TAF1A: variants seen among roughly 807,000 people sequenced by gnomAD.
TAF1A encodes the protein TATA-box binding protein associated factor, RNA polymerase I subunit A.
Under a neutral mutation model 61.6 loss-of-function variants are expected in TAF1A, and 42 were observed. The ratio of observed to expected loss-of-function variants is 0.68; its 90% CI spans 0.53 to 0.88. TAF1A has a LOEUF of 0.88. Among genes scored for constraint, TAF1A ranks in the 40% least tolerant of loss-of-function variants. The pLI is 0.00. For missense variants in TAF1A, 424 were observed against 518.7 expected (o/e 0.82, Z 1.77); for synonymous variants, 179 against 177.7 (o/e 1.01, Z -0.06).
intron 2 of TAF1A, 37 bp from the exon 3 acceptor site, chr1:222,584,334 T>C: frequency 6.5e-7 from 1 of 1,549,504 alleles, no homozygotes; most frequent in Non-Finnish European, 8.6e-7. Context: ...TTTATCCAAG[T>C]GGCTCCAGTT....
At chr1:222,564,506 T>C (rs1660045302) in intron 7 of TAF1A, among the ~76,000 whole-genome samples, 1 of 152,008 alleles carries the variant, frequency 6.6e-6, no homozygotes. Context: ...ACAGAAAATA[T>C]ACTTATTTAC....
At chr1:222,564,160 C>T in intron 7 of TAF1A, 35 bp from the exon 8 acceptor site, 1 of 1,307,338 alleles carries the variant, frequency 7.6e-7, no homozygotes, top group Non-Finnish European at 1.1e-6. Flanking sequence ...TCTTTACATA[C>T]TTGTAAAAGC....
chr1:222,578,976 T>C (rs1225507979), intron 4 of TAF1A, among the ~76,000 whole-genome samples: 1 of 152,200 alleles, frequency 6.6e-6, no homozygotes, highest in East Asian at 1.9e-4. Flanking sequence ...TAACCAACAG[T>C]TTACTCTTCA....
intron 1 of TAF1A, 31 bp from the exon 2 acceptor site, chr1:222,588,596 T>G (rs201976026): frequency 1.3e-4 from 213 of 1,606,878 alleles, no homozygotes; most frequent in Non-Finnish European, 1.6e-4. Context: ...AGTTACTTTC[T>G]GTACATCTTA....
intron 5 of TAF1A, among the ~76,000 whole-genome samples, chr1:222,573,338 A>G (rs1660438012): frequency 6.6e-6 from 1 of 152,212 alleles, no homozygotes. Flanking sequence ...AAATATTTCC[A>G]AGTCATGAAT....
chr1:222,570,228 C>T (rs1284172984), intron 6 of TAF1A, among the ~76,000 whole-genome samples: 1 of 152,076 alleles, frequency 6.6e-6, no homozygotes, highest in East Asian at 1.9e-4. Flanking sequence ...AGATTTTTGT[C>T]CTCTTTCCTT....
intron 7 of TAF1A, among the ~76,000 whole-genome samples, chr1:222,567,154 A>G (rs779070306): frequency 4.6e-5 from 7 of 152,248 alleles, no homozygotes; most frequent in Non-Finnish European, 7.3e-5. Flanking sequence ...TACAACATGG[A>G]TGAACCTTGA....
intron 2 of TAF1A, among the ~76,000 whole-genome samples, chr1:222,586,082 T>G (rs569121484): frequency 6.6e-6 from 1 of 152,194 alleles, no homozygotes; most frequent in Non-Finnish European, 1.5e-5. Context: ...TCTCAGACTT[T>G]TGAATGTACA....
chr1:222,572,532 A>C (rs1660400718), intron 5 of TAF1A, among the ~76,000 whole-genome samples: 1 of 152,004 alleles, frequency 6.6e-6, no homozygotes, highest in African/African-American at 2.4e-5. Flanking sequence ...TAATTTTTGT[A>C]TTTTTTGTAG....
intron 3 of TAF1A, 42 bp downstream of exon 3, chr1:222,584,086 G>A (rs1660913890): frequency 4.4e-6 from 7 of 1,591,182 alleles, no homozygotes; most frequent in Non-Finnish European, 6.0e-6. Context: ...ATAAACTTCT[G>A]GGAATCTATC....
chr1:222,560,669 A>C (rs535124928), intron 10 of TAF1A, among the ~76,000 whole-genome samples: 1 of 152,342 alleles, frequency 6.6e-6, no homozygotes, highest in South Asian at 2.1e-4. Context: ...TAGAAACCAT[A>C]TTCAAAAGTG....
chr1:222,565,553 C>T (rs1212996132), intron 7 of TAF1A, among the ~76,000 whole-genome samples: 1 of 152,170 alleles, frequency 6.6e-6, no homozygotes, highest in Non-Finnish European at 1.5e-5. Flanking sequence ...CCTGAAAGCA[C>T]AGTCTTGCTT....
intron 5 of TAF1A, among the ~76,000 whole-genome samples, chr1:222,572,116 G>C (rs1305308911): frequency 6.6e-6 from 1 of 151,770 alleles, no homozygotes; most frequent in African/African-American, 2.4e-5. Context: ...CTACTCAGGA[G>C]GCTGAGGCAC....
intron 7 of TAF1A, among the ~76,000 whole-genome samples, chr1:222,568,391 A>G (rs575061793): frequency 3.5e-4 from 54 of 152,310 alleles, no homozygotes; most frequent in African/African-American, 1.3e-3. Flanking sequence ...CAAAGGACTT[A>G]TATCCAGATT....
At chr1:222,569,070 G>T in intron 7 of TAF1A, 1 of 210,112 alleles carries the variant, frequency 4.8e-6, no homozygotes. Context: ...GATTGTCTGG[G>T]GCCATGGTTG....
chr1:222,585,280 T>C (rs1660964606), intron 2 of TAF1A, among the ~76,000 whole-genome samples: 1 of 152,126 alleles, frequency 6.6e-6, no homozygotes, highest in African/African-American at 2.4e-5. Context: ...GATACACGGC[T>C]ATAATTAAAC....
intron 10 of TAF1A, among the ~76,000 whole-genome samples, chr1:222,559,564 A>G (rs1016987223): frequency 5.3e-5 from 8 of 152,236 alleles, no homozygotes; most frequent in African/African-American, 1.9e-4. Context: ...ATTTCATTAC[A>G]GTTTCAGCTT....
chr1:222,585,455 T>TAA lies in TAF1A; in HGVS notation c.122-1160_122-1159dup, dbSNP rs199512248. Among the ~76,000 whole-genome samples, 140 of 137,612 alleles carry TAA rather than the reference T, an allele frequency of 1.0e-3. 1 individual carries two copies. The Middle Eastern group carries it at 0.022, about 22-fold the overall frequency. 90.3% of individuals were successfully genotyped at this position (137,612 alleles called of 152,430 possible). A position where few individuals can be genotyped will look rare whatever the true frequency, so the allele number is the denominator to read the frequency against. ...GGGGAAAAGTTTTAGATAACTTTATTAAAAAAAAAAAAAAAAGAGTCTTGC... is the reference window on the plus strand; with the variant it reads ...GGGGAAAAGTTTTAGATAACTTTATTAAAAAAAAAAAAAAAAAAGAGTCTTGC... On this transcript the variant is annotated intron_variant, in intron 2 of 10. Transcript: ENST00000352967.
In TAF1A at chr1:222,563,182, A is replaced by G. The variant is rs762691365; in HGVS notation, c.1076T>C (p.Ile359Thr). 2.5e-6 allele frequency: 4 copies of G among 1,608,526 alleles called. No homozygotes were observed. In the African/African-American group the frequency reaches 4.0e-5, roughly 16 times the overall value. Residue 359 changes from isoleucine (I) to threonine (T), a missense_variant, in exon 9 of 11, where the codon ATC becomes ACC. Transcript: ENST00000352967. ...WKYLAKYLKN[I>T]LMGNHLAWVQ... Reference sequence around the variant, plus strand: ...ACTGTATGTTTCTTACCCCATTAAGATATTTTTCAGATATTTTGCCAAGTA... The same window carrying G: ...ACTGTATGTTTCTTACCCCATTAAGGTATTTTTCAGATATTTTGCCAAGTA...
Sources: allele counts gnomAD v4.1 joint callset (sites outside exome capture counted in the v4.1 genomes callset), GRCh38; gene constraint gnomAD v4.1.1; transcripts MANE v1.5; gene names NCBI Gene and HGNC (gene_info 2026-07-23, HGNC 2026-07-21).